Variants in CMSS1 observed in about 807,000 individuals in gnomAD.
The protein encoded by CMSS1 is protein CMSS1.
Under a neutral mutation model 43.5 loss-of-function variants are expected in CMSS1, and 33 were observed. That is an observed-to-expected ratio of 0.76 (90% CI 0.57 to 1.01). The LOEUF is 1.01. Among genes scored for constraint, CMSS1 ranks in the 50% least tolerant of loss-of-function variants. The pLI is 0.00. For synonymous variants in CMSS1, 115 were observed against 117.2 expected (o/e 0.98, Z 0.12); for missense variants, 313 against 326.4 (o/e 0.96, Z 0.32).
chr3:99,849,560 G>C (rs762750163), intron 1 of CMSS1: 4 of 1,613,278 alleles, frequency 2.5e-6, no homozygotes, highest in Non-Finnish European at 3.4e-6. Context: ...TCTTCTTCTT[G>C]AAGCCTTTTG....
intron 1 of CMSS1, among the ~76,000 whole-genome samples, chr3:100,087,307 T>C (rs1345305723): frequency 6.6e-6 from 1 of 152,252 alleles, no homozygotes; most frequent in East Asian, 1.9e-4. Context: ...TATTTTGTGT[T>C]CCCACCAACA....
chr3:99,846,025 T>C (rs1943349114), intron 1 of CMSS1, among the ~76,000 whole-genome samples: 1 of 152,226 alleles, frequency 6.6e-6, no homozygotes, highest in African/African-American at 2.4e-5. Flanking sequence ...TTAACTTTAT[T>C]ATAGAGAATT....
intron 3 of CMSS1, 124 bp downstream of exon 3, chr3:100,160,625 C>A: frequency 1.7e-6 from 1 of 589,458 alleles, no homozygotes; most frequent in South Asian, 2.1e-5. Flanking sequence ...TTGTAAGATT[C>A]TTTGAGGTTT....
intron 1 of CMSS1, among the ~76,000 whole-genome samples, chr3:100,066,989 C>T (rs898362368): frequency 6.6e-6 from 1 of 152,128 alleles, no homozygotes; most frequent in Non-Finnish European, 1.5e-5. Context: ...AAATGTGTGT[C>T]CCATACACAT....
chr3:100,079,170 A>G lies in CMSS1; in HGVS notation c.65-67803A>G, dbSNP rs2065895759. Among the ~76,000 whole-genome samples, 5 of 152,204 alleles carry G rather than the reference A, an allele frequency of 3.3e-5. No individual in the cohort carries two copies. In the South Asian group the frequency reaches 1.0e-3, roughly 31 times the overall value. ...AGCAGTCTTTTACAGTCTTTACAGC[A>G]TGGTGACTGGCTTACGAGAATGCAA... is the stretch of plus-strand genomic sequence containing the variant. On this transcript the variant is annotated intron_variant, in intron 1 of 9. Coordinates refer to ENST00000421999, the MANE Select transcript of CMSS1 (RefSeq NM_032359.4).
chr3:100,044,381 G>C (rs2065249333), intron 1 of CMSS1, among the ~76,000 whole-genome samples: 1 of 152,118 alleles, frequency 6.6e-6, no homozygotes, highest in African/African-American at 2.4e-5. Flanking sequence ...GGGGTAATCT[G>C]TCAAGGGGGG....
intron 1 of CMSS1, among the ~76,000 whole-genome samples, chr3:100,111,332 G>A (rs2066487190): frequency 6.6e-6 from 1 of 152,112 alleles, no homozygotes; most frequent in Non-Finnish European, 1.5e-5. Flanking sequence ...AATTTTTCTA[G>A]AACTTTATTT....
chr3:99,974,646 G>A (rs1438951096), intron 1 of CMSS1, among the ~76,000 whole-genome samples: 1 of 152,164 alleles, frequency 6.6e-6, no homozygotes, highest in Non-Finnish European at 1.5e-5. Flanking sequence ...GGCGGAGGTT[G>A]TGATGAGCCA....
chr3:99,893,557 G>C (rs1355315486), intron 1 of CMSS1, among the ~76,000 whole-genome samples: 2 of 152,138 alleles, frequency 1.3e-5, no homozygotes, highest in African/African-American at 4.8e-5. Flanking sequence ...TCTAAGACTA[G>C]ATTTTGGTTT....
At chr3:99,992,922 G>T (rs1709565806) in intron 1 of CMSS1, among the ~76,000 whole-genome samples, 1 of 151,894 alleles carries the variant, frequency 6.6e-6, no homozygotes, top group East Asian at 1.9e-4. Context: ...TGAACAGGTT[G>T]TCATTTCCTA....
At chr3:99,829,801 T>C (rs1033551100) in intron 1 of CMSS1, among the ~76,000 whole-genome samples, 1 of 152,218 alleles carries the variant, frequency 6.6e-6, no homozygotes, top group African/African-American at 2.4e-5. Context: ...CAGGTATGCT[T>C]ACTACACCAG....
At chr3:99,897,404 C>A (rs1225751830) in intron 1 of CMSS1, among the ~76,000 whole-genome samples, 2 of 151,954 alleles carry the variant, frequency 1.3e-5, no homozygotes, top group Admixed American at 6.6e-5. Context: ...TGTTCTATAC[C>A]TTTGACAGTA....
At chr3:99,867,760 A>G (rs943340345) in intron 1 of CMSS1, among the ~76,000 whole-genome samples, 9 of 152,178 alleles carry the variant, frequency 5.9e-5, no homozygotes, top group African/African-American at 2.2e-4. Flanking sequence ...CACTGTATAC[A>G]AATTCACATG....
chr3:100,015,491 G>A (rs1003311499), intron 1 of CMSS1, among the ~76,000 whole-genome samples: 6 of 152,156 alleles, frequency 3.9e-5, no homozygotes, highest in African/African-American at 1.4e-4. Flanking sequence ...AATTTTAACA[G>A]TATTCATTTT....
At chr3:99,930,739 C>T in intron 1 of CMSS1, 1 of 1,607,442 alleles carries the variant, frequency 6.2e-7, no homozygotes, top group Non-Finnish European at 8.5e-7. Context: ...CTGTTTGAAG[C>T]ATGATGGGGA....
chr3:99,902,825 A>G (rs1423443567), intron 1 of CMSS1, among the ~76,000 whole-genome samples: 1 of 152,212 alleles, frequency 6.6e-6, no homozygotes, highest in Non-Finnish European at 1.5e-5. Flanking sequence ...TAATGGGGTA[A>G]CTTCCATGTG....
intron 2 of CMSS1, among the ~76,000 whole-genome samples, chr3:100,156,299 CTTTTTTTTTT>C (rs34413816): frequency 1.4e-5 from 1 of 73,052 alleles, no homozygotes. Context: ...AATTTTTTTT[CTTTTTTTTTT>C]TTTTTTTTTT....
chr3:100,157,380 TTTG>T (rs372748667), intron 2 of CMSS1, among the ~76,000 whole-genome samples: 26 of 152,332 alleles, frequency 1.7e-4, no homozygotes, highest in African/African-American at 5.3e-4. Context: ...CATTTTTCTT[TTTG>T]TTATTTATTT....
chr3:99,879,810 G>A (rs1354380161), intron 1 of CMSS1, among the ~76,000 whole-genome samples: 1 of 152,210 alleles, frequency 6.6e-6, no homozygotes, highest in Admixed American at 6.5e-5. Context: ...AGCAAGACCT[G>A]TATAAGACCT....
Sources: allele counts gnomAD v4.1 joint callset (sites outside exome capture counted in the v4.1 genomes callset), GRCh38; gene constraint gnomAD v4.1.1; transcripts MANE v1.5; gene names NCBI Gene and HGNC (gene_info 2026-07-23, HGNC 2026-07-21).